Variants in UBE2E2 observed in about 807,000 individuals in gnomAD.
UBE2E2 encodes ubiquitin conjugating enzyme E2 E2.
In UBE2E2, 6 loss-of-function variants were observed where a neutral mutation model predicts 24.7. The ratio of observed to expected loss-of-function variants is 0.24; its 90% CI spans 0.13 to 0.48. The LOEUF is 0.48. Ranked by LOEUF, UBE2E2 falls within the 20% of genes least tolerant of loss-of-function variation. The probability of loss-of-function intolerance (pLI) is 0.99; values close to 1 mark genes in which losing one functional copy is unlikely to be tolerated. For synonymous variants in UBE2E2, 104 were observed against 83.6 expected, an observed-to-expected ratio of 1.24 and a Z score of -1.33; for missense variants, 169 against 245.0, an observed-to-expected ratio of 0.69 and a Z score of 2.07.
chr3:23,427,658 G>A (rs1366805862), intron 3 of UBE2E2, among the ~76,000 whole-genome samples: 2 of 152,176 alleles, frequency 1.3e-5, no homozygotes, highest in Non-Finnish European at 2.9e-5. Context: ...TCAACTTTAT[G>A]TTGTCTATAA....
chr3:23,550,040 A>C (rs1397995820), intron 5 of UBE2E2, among the ~76,000 whole-genome samples: 2 of 152,086 alleles, frequency 1.3e-5, no homozygotes, highest in African/African-American at 4.8e-5. Flanking sequence ...CTCAAAAAAA[A>C]AAAAAAAGCA....
rs77864375 is a variant in UBE2E2 at position 23,386,449 on chromosome 3, C to T, written c.228-113159C>T. On this transcript the variant is annotated intron_variant, in intron 3 of 5. Coordinates refer to ENST00000396703, the MANE Select transcript of UBE2E2 (RefSeq NM_152653.4). ...TGAATTTAGCGGGGACACGAACATT[C>T]GGACCATAGCAGAAAGTATCCGTAA... is the stretch of plus-strand genomic sequence containing the variant. Among the ~76,000 whole-genome samples, 497 of 152,172 alleles carry T rather than the reference C, an allele frequency of 3.3e-3. 12 individuals carry two copies. The East Asian group carries it at 0.06, about 19-fold the overall frequency.
chr3:23,356,389 G>T (rs1007424443), intron 3 of UBE2E2, among the ~76,000 whole-genome samples: 2 of 152,190 alleles, frequency 1.3e-5, no homozygotes, highest in African/African-American at 4.8e-5. Flanking sequence ...TAAATCTGCA[G>T]TTAGGCAGTG....
intron 3 of UBE2E2, among the ~76,000 whole-genome samples, chr3:23,312,516 A>G (rs1441372633): frequency 2.6e-5 from 4 of 151,772 alleles, no homozygotes; most frequent in African/African-American, 7.3e-5. Context: ...CGTTTCCCCA[A>G]TCATCCCCCT....
intron 3 of UBE2E2, among the ~76,000 whole-genome samples, chr3:23,336,517 G>T (rs1467613644): frequency 1.3e-5 from 2 of 152,200 alleles, no homozygotes; most frequent in Non-Finnish European, 2.9e-5. Flanking sequence ...GGCAGTGACA[G>T]AACATCTAAA....
chr3:23,469,256 T>C (rs1698984410), intron 3 of UBE2E2, among the ~76,000 whole-genome samples: 2 of 152,298 alleles, frequency 1.3e-5, no homozygotes, highest in Non-Finnish European at 1.5e-5. Flanking sequence ...TTTAAACATA[T>C]CAATTTGTGG....
At chr3:23,546,523 G>A (rs1575698581) in intron 5 of UBE2E2, among the ~76,000 whole-genome samples, 1 of 140,446 alleles carries the variant, frequency 7.1e-6, no homozygotes, top group Middle Eastern at 3.8e-3. Flanking sequence ...GCCCAGGCTG[G>A]AGTGCAATGG....
intron 3 of UBE2E2, among the ~76,000 whole-genome samples, chr3:23,447,105 A>G (rs756767429): frequency 6.6e-6 from 1 of 152,088 alleles, no homozygotes; most frequent in Non-Finnish European, 1.5e-5. Flanking sequence ...AATGATGTGC[A>G]TCTTTTTTTC....
intron 3 of UBE2E2, among the ~76,000 whole-genome samples, chr3:23,351,356 A>C (rs1439902506): frequency 6.6e-6 from 1 of 152,218 alleles, no homozygotes; most frequent in Non-Finnish European, 1.5e-5. Flanking sequence ...AGCTAACATC[A>C]TAATGACGGG....
intron 3 of UBE2E2, among the ~76,000 whole-genome samples, chr3:23,412,722 G>A (rs987583214): frequency 1.3e-5 from 2 of 152,040 alleles, no homozygotes; most frequent in Non-Finnish European, 1.5e-5. Flanking sequence ...TTAGTGCAGT[G>A]GTTCTCAAGG....
At chr3:23,443,476 G>C (rs763403995) in intron 3 of UBE2E2, among the ~76,000 whole-genome samples, 8 of 152,178 alleles carry the variant, frequency 5.3e-5, no homozygotes, top group Non-Finnish European at 1.2e-4. Context: ...CTTTAAGACT[G>C]TACCTTGTGA....
At chr3:23,243,945 G>A (rs2125340173) in intron 3 of UBE2E2, among the ~76,000 whole-genome samples, 1 of 151,724 alleles carries the variant, frequency 6.6e-6, no homozygotes, top group East Asian at 1.9e-4. Flanking sequence ...TTCACACTCG[G>A]GAGTTTTAGT....
chr3:23,351,560 C>T (rs533853993), intron 3 of UBE2E2, among the ~76,000 whole-genome samples: 8 of 151,754 alleles, frequency 5.3e-5, no homozygotes, highest in South Asian at 2.1e-4. Flanking sequence ...AAATGGAAAA[C>T]GAAAAAAGGC....
chr3:23,529,169 G>A (rs780668559), intron 4 of UBE2E2, among the ~76,000 whole-genome samples: 1 of 152,172 alleles, frequency 6.6e-6, no homozygotes, highest in African/African-American at 2.4e-5. Flanking sequence ...TATGGCTATC[G>A]CAGGGTACCA....
intron 3 of UBE2E2, among the ~76,000 whole-genome samples, chr3:23,307,406 G>C (rs1699266735): frequency 6.6e-6 from 1 of 152,104 alleles, no homozygotes. Context: ...ATACTGTCCA[G>C]CTTCCAAAGT....
chr3:23,499,658 G>C lies in UBE2E2; in HGVS notation c.278G>C (p.Gly93Ala). 6.2e-7 allele frequency: 1 copy of C among 1,613,940 alleles called. No individual in the cohort carries two copies. Among genetic ancestry groups the C allele is most frequent in the Non-Finnish European group, 8.5e-7 (1 of 1,179,898 alleles). The stretch of plus-strand genomic sequence containing the variant: ...TATGAATGGAGGTCAACTATATTGG[G>C]ACCCCCAGGATCTGTCTATGAAGGA... ...NIYEWRSTILGPPGSVYEGGV... is the reference protein window; with the variant it reads ...NIYEWRSTILAPPGSVYEGGV... The change falls in exon 4 of 6, where the codon GGA becomes GCA. Residue 93 changes from glycine (G) to alanine (A), a missense_variant. Physicochemically the swap from Gly to Ala is moderately conservative, Grantham distance 60 (BLOSUM62 0). This residue lies in a region of UBE2E2 where 105 missense variants were observed against 180.7 expected (regional missense o/e 0.58). Coordinates refer to ENST00000396703, the MANE Select transcript of UBE2E2 (RefSeq NM_152653.4).
At chr3:23,368,717 T>C (rs1048913300) in intron 3 of UBE2E2, among the ~76,000 whole-genome samples, 1 of 152,150 alleles carries the variant, frequency 6.6e-6, no homozygotes, top group African/African-American at 2.4e-5. Flanking sequence ...AAATACTCCT[T>C]CTTCAGCAGA....
intron 5 of UBE2E2, among the ~76,000 whole-genome samples, chr3:23,535,528 G>C (rs1695235835): frequency 6.7e-6 from 1 of 149,542 alleles, no homozygotes; most frequent in Non-Finnish European, 1.5e-5. Context: ...TAATCATTCT[G>C]TTTTCAATGC....
intron 5 of UBE2E2, among the ~76,000 whole-genome samples, chr3:23,565,292 G>GAGGC (rs1696043122): frequency 1.3e-5 from 2 of 151,980 alleles, no homozygotes; most frequent in African/African-American, 2.4e-5. Flanking sequence ...GGGAGGGAGG[G>GAGGC]AGGCAACCAG....
Sources: gnomAD v4.1 joint callset for allele counts (sites outside exome capture counted in the v4.1 genomes callset) on GRCh38, gnomAD v4.1.1 for gene constraint, gnomAD v4.1.1 regional missense constraint, MANE v1.5 for transcripts, NCBI Gene and HGNC (gene_info 2026-07-23, HGNC 2026-07-21) for gene names.